The following ADARB2 variants were observed in gnomAD, a reference collection of about 807,000 sequenced individuals.
The protein encoded by ADARB2 is adenosine deaminase RNA specific B2 (inactive), also known as inactive double-stranded RNA-specific editase B2.
ADARB2 carries 25 observed loss-of-function variants against 62.2 expected under a neutral mutation model. The ratio of observed to expected loss-of-function variants is 0.40; its 90% CI spans 0.29 to 0.56. ADARB2 has a LOEUF of 0.56. Ranked by LOEUF, ADARB2 falls within the 20% of genes least tolerant of loss-of-function variation. The probability of loss-of-function intolerance (pLI) is 0.43; values close to 1 mark genes in which losing one functional copy is unlikely to be tolerated. For synonymous variants in ADARB2, 572 were observed against 500.8 expected (o/e 1.14, Z -1.90); for missense variants, 1,071 against 1,077.4 (o/e 0.99, Z 0.08).
intron 3 of ADARB2, among the ~76,000 whole-genome samples, chr10:1,275,561 G>A (rs1006534578): frequency 2.6e-5 from 4 of 151,818 alleles, no homozygotes; most frequent in African/African-American, 4.8e-5. Context: ...CAATGTGCAG[G>A]TTAGTTACAT....
chr10:1,591,298 C>T (rs541192817), intron 1 of ADARB2, among the ~76,000 whole-genome samples: 13 of 152,334 alleles, frequency 8.5e-5, no homozygotes, highest in East Asian at 5.8e-4. Flanking sequence ...TCGGAGGCTC[C>T]GCGAGGGCGT....
At chr10:1,281,408 G>A (rs1382462306) in intron 3 of ADARB2, among the ~76,000 whole-genome samples, 1 of 152,218 alleles carries the variant, frequency 6.6e-6, no homozygotes, top group Non-Finnish European at 1.5e-5. Context: ...GGTGGTTTGT[G>A]GATTCAGGTA....
intron 2 of ADARB2, among the ~76,000 whole-genome samples, chr10:1,366,354 T>C (rs1832313448): frequency 6.6e-6 from 1 of 152,360 alleles, no homozygotes; most frequent in East Asian, 1.9e-4. Context: ...ATCTCAGCCA[T>C]GGATGGCCCC....
chr10:1,509,581 T>A (rs1370575452), intron 1 of ADARB2, among the ~76,000 whole-genome samples: 1 of 152,214 alleles, frequency 6.6e-6, no homozygotes, highest in African/African-American at 2.4e-5. Flanking sequence ...TTCTGCAGGA[T>A]TTGCAGATAG....
At chr10:1,259,989 G>A (rs138304544) in intron 4 of ADARB2, among the ~76,000 whole-genome samples, 5,478 of 152,264 alleles carry the variant, frequency 0.036, 148 homozygotes, top group Middle Eastern at 0.071. Context: ...TGCAAGGCTG[G>A]TTCAACATAC....
chr10:1,526,722 C>A, intron 1 of ADARB2: 1 of 351,212 alleles, frequency 2.8e-6, no homozygotes, highest in Non-Finnish European at 6.1e-6. Flanking sequence ...CATAAATCAC[C>A]CAGCCTCGGG....
chr10:1,547,262 G>A (rs1295000525), intron 1 of ADARB2, among the ~76,000 whole-genome samples: 2 of 137,806 alleles, frequency 1.5e-5, no homozygotes, highest in South Asian at 5.0e-4. Context: ...CTGCACTGGC[G>A]TATGCACTGT....
Position 1,633,609 on chromosome 10 carries a change from T to TATCC in ADARB2, c.100+103438_100+103441dup, listed in dbSNP as rs1554776984. Among the ~76,000 whole-genome samples the TATCC allele has an allele frequency of 1.4e-3, 213 of 147,954 alleles. 1 individual carries two copies. Among genetic ancestry groups the TATCC allele is most frequent in the African/African-American group, 5.1e-3 (200 of 39,570 alleles). Reference sequence around the variant, plus strand: ...CTATCTATCTATCTATCTATCTATCTATCCCTCTATGTAATCTATCTATCC... The same window carrying TATCC: ...CTATCTATCTATCTATCTATCTATCTATCCATCCCTCTATGTAATCTATCTATCC... On this transcript the variant is annotated intron_variant, in intron 1 of 9. Coordinates refer to ENST00000381312, the MANE Select transcript of ADARB2 (RefSeq NM_018702.4).
At position 1,633,737 on chromosome 10, in the gene ADARB2, G is replaced by A. The variant is rs79860173; in HGVS notation, c.100+103314C>T. On this transcript the variant is annotated intron_variant, in intron 1 of 9. Coordinates refer to ENST00000381312, the MANE Select transcript of ADARB2 (RefSeq NM_018702.4). ...AGTAGTTTCCAAAATATTTTCACAT[G>A]AAATTTTGTCAGTTGACTCTCCGAG... Among the ~76,000 whole-genome samples, 1,295 of 152,244 alleles carry A rather than the reference G, an allele frequency of 8.5e-3. 14 individuals are homozygous for A. The highest frequency in any genetic ancestry group is 0.045 in the East Asian group (231 of 5,168).
intron 1 of ADARB2, chr10:1,675,959 A>G: frequency 2.1e-6 from 2 of 961,926 alleles, no homozygotes; most frequent in Non-Finnish European, 2.5e-6. Flanking sequence ...GAGCCCAGTT[A>G]GATGAAGATG....
chr10:1,733,214 T>C (rs1298864198), intron 1 of ADARB2, among the ~76,000 whole-genome samples: 2 of 152,148 alleles, frequency 1.3e-5, no homozygotes, highest in African/African-American at 4.8e-5. Flanking sequence ...AACCCCAGCC[T>C]CCAATGTACC....
At chr10:1,692,404 G>A (rs1834685369) in intron 1 of ADARB2, among the ~76,000 whole-genome samples, 1 of 152,216 alleles carries the variant, frequency 6.6e-6, no homozygotes, top group Non-Finnish European at 1.5e-5. Flanking sequence ...CTGAGTCCAT[G>A]GAGTCATCTG....
At chr10:1,585,725 C>T (rs1322196486) in intron 1 of ADARB2, among the ~76,000 whole-genome samples, 1 of 152,202 alleles carries the variant, frequency 6.6e-6, no homozygotes, top group African/African-American at 2.4e-5. Flanking sequence ...TGTCTCAGGT[C>T]TCCCTGAAAT....
intron 1 of ADARB2, among the ~76,000 whole-genome samples, chr10:1,505,685 ACTT>A (rs1831837190): frequency 8.7e-6 from 1 of 114,440 alleles, no homozygotes; most frequent in Non-Finnish European, 2.1e-5. Flanking sequence ...TGGTTCTGCC[ACTT>A]CCGTCCCCAC....
At chr10:1,293,278 G>GAGAGGGAC (rs1831493217) in intron 3 of ADARB2, among the ~76,000 whole-genome samples, 2 of 130,054 alleles carry the variant, frequency 1.5e-5, no homozygotes, top group Non-Finnish European at 3.3e-5. Context: ...GAAGGAGGGA[G>GAGAGGGAC]GGAAAGAGCA....
At chr10:1,531,780 T>G (rs559076831) in intron 1 of ADARB2, among the ~76,000 whole-genome samples, 1 of 152,058 alleles carries the variant, frequency 6.6e-6, no homozygotes, top group Admixed American at 6.5e-5. Flanking sequence ...GAGGTTGCAG[T>G]AAGCTGAGAT....
intron 1 of ADARB2, among the ~76,000 whole-genome samples, chr10:1,724,772 G>T (rs1228154759): frequency 6.6e-6 from 1 of 152,180 alleles, no homozygotes. Flanking sequence ...TGGGAGAGAG[G>T]ATGTAACCTA....
chr10:1,684,975 A>G (rs966875610), intron 1 of ADARB2, among the ~76,000 whole-genome samples: 1 of 152,006 alleles, frequency 6.6e-6, no homozygotes, highest in African/African-American at 2.4e-5. Context: ...GAGTGGACCC[A>G]GAAGCCAAGG....
chr10:1,516,201 G>C (rs1281682599), intron 1 of ADARB2, among the ~76,000 whole-genome samples: 6 of 152,214 alleles, frequency 3.9e-5, no homozygotes, highest in Middle Eastern at 3.4e-3. Flanking sequence ...TTCCTTCCTC[G>C]TGTCCTGCAG....
Sources: allele counts gnomAD v4.1 joint callset (sites outside exome capture counted in the v4.1 genomes callset), GRCh38; gene constraint gnomAD v4.1.1; transcripts MANE v1.5; gene names NCBI Gene and HGNC (gene_info 2026-07-23, HGNC 2026-07-21).